Variants in PTK2 observed in about 807,000 individuals in gnomAD.
PTK2 encodes protein tyrosine kinase 2, also known as focal adhesion kinase 1.
PTK2 carries 45 observed loss-of-function variants against 150.1 expected under a neutral mutation model. The observed-to-expected ratio is 0.30, with a 90% CI of 0.24 to 0.38. PTK2 has a LOEUF of 0.38. PTK2 is among the 10% of genes least tolerant of loss of function. PTK2 has a pLI of 1.00. For missense variants in PTK2, 919 were observed against 1,307.3 expected (o/e 0.70, Z 4.58); for synonymous variants, 432 against 449.2 (o/e 0.96, Z 0.48).
intron 26 of PTK2, among the ~76,000 whole-genome samples, chr8:140,696,743 A>C (rs1233987427): frequency 6.6e-6 from 1 of 152,206 alleles, no homozygotes; most frequent in African/African-American, 2.4e-5. Flanking sequence ...AAATAAACTC[A>C]TAAAAGAGAA....
rs185716609 is a variant in PTK2 at position 140,836,761 on chromosome 8, C to G, written c.594-6235G>C. On this transcript the variant is annotated intron_variant, in intron 7 of 31. Coordinates refer to ENST00000522684, the Ensembl canonical transcript of PTK2. ...TATATAATGTGTGGGGAATACATTC[C>G]CCGCACAACAGAATGCAGCTCACAT... 1.6e-4 allele frequency among the ~76,000 whole-genome samples: 25 copies of G among 152,076 alleles called. 1 individual carries two copies. In the East Asian group the frequency reaches 4.8e-3, roughly 29 times the overall value.
In PTK2 at chr8:140,691,681, C is replaced by T. The variant is rs79014193; in HGVS notation, c.2500-4987G>A. 8.7e-3 allele frequency among the ~76,000 whole-genome samples: 1,327 copies of T among 152,282 alleles called. 15 individuals carry two copies. Among genetic ancestry groups the T allele is most frequent in the African/African-American group, 0.031 (1,277 of 41,536 alleles). On this transcript the variant is annotated intron_variant, in intron 26 of 31. Transcript: ENST00000522684. ...TTTCTAGTGAACTGATTGTCCATGC[C>T]TCTTTGGACAAGGCATATAACCTCT...
intron 1 of PTK2, among the ~76,000 whole-genome samples, chr8:140,961,200 A>G (rs2100183058): frequency 6.6e-6 from 1 of 152,188 alleles, no homozygotes. Context: ...TAACTACACC[A>G]CACTTTGCTA....
At chr8:140,692,927 A>C (rs970939400) in intron 26 of PTK2, among the ~76,000 whole-genome samples, 1 of 152,226 alleles carries the variant, frequency 6.6e-6, no homozygotes, top group Non-Finnish European at 1.5e-5. Context: ...TGGATCTGCT[A>C]TGTGAGGGAA....
At chr8:140,833,621 T>A (rs1364684766) in intron 7 of PTK2, among the ~76,000 whole-genome samples, 1 of 152,202 alleles carries the variant, frequency 6.6e-6, no homozygotes, top group Non-Finnish European at 1.5e-5. Context: ...TTGCCTCAAG[T>A]GGCGTAAAAA....
At chr8:140,851,647 T>A (rs199930777) in intron 5 of PTK2, among the ~76,000 whole-genome samples, 1 of 152,094 alleles carries the variant, frequency 6.6e-6, no homozygotes, top group African/African-American at 2.4e-5. Flanking sequence ...TCGCTTGAGC[T>A]CAGGAGTTCA....
chr8:140,957,548 C>T (rs942296967), intron 1 of PTK2, among the ~76,000 whole-genome samples: 5 of 152,244 alleles, frequency 3.3e-5, no homozygotes, highest in Admixed American at 6.5e-5. Context: ...TCTACAGTAG[C>T]GTACAGTGAT....
intron 2 of PTK2, among the ~76,000 whole-genome samples, chr8:140,894,082 T>G (rs1241441012): frequency 6.6e-6 from 1 of 152,188 alleles, no homozygotes. Flanking sequence ...CTCCCCCCAA[T>G]GTGATGCTAT....
chr8:140,898,792 T>C (rs545487865), intron 2 of PTK2, among the ~76,000 whole-genome samples: 1 of 152,218 alleles, frequency 6.6e-6, no homozygotes, highest in Admixed American at 6.5e-5. Context: ...ACTGACCCTT[T>C]AATAAAACTT....
intron 14 of PTK2, among the ~76,000 whole-genome samples, chr8:140,778,005 T>C (rs1414880588): frequency 6.6e-6 from 1 of 152,190 alleles, no homozygotes; most frequent in East Asian, 1.9e-4. Flanking sequence ...TGACATTTGT[T>C]CTCTCATCTC....
At chr8:140,728,506 G>C (rs757519491) in intron 22 of PTK2, among the ~76,000 whole-genome samples, 4 of 152,086 alleles carry the variant, frequency 2.6e-5, no homozygotes, top group Non-Finnish European at 5.9e-5. Flanking sequence ...ATGAGCAATG[G>C]ACATGGATTA....
At chr8:140,704,984 C>T (rs187889900) in intron 24 of PTK2, among the ~76,000 whole-genome samples, 1 of 152,156 alleles carries the variant, frequency 6.6e-6, no homozygotes, top group African/African-American at 2.4e-5. Flanking sequence ...CTTGACTCTG[C>T]CAGGCAAGTG....
chr8:140,995,297 C>T (rs1456377678), intron 1 of PTK2, among the ~76,000 whole-genome samples: 3 of 147,496 alleles, frequency 2.0e-5, no homozygotes, highest in Non-Finnish European at 3.0e-5. Context: ...GCAGGCGAAT[C>T]GCTTGAACCT....
intron 16 of PTK2, among the ~76,000 whole-genome samples, chr8:140,755,443 T>C (rs1313454098): frequency 6.6e-6 from 1 of 152,194 alleles, no homozygotes; most frequent in African/African-American, 2.4e-5. Flanking sequence ...CACACCGTCC[T>C]CCTGGTGGTG....
chr8:140,675,376 C>A, intron 28 of PTK2, 84 bp downstream of exon 31: 1 of 1,453,194 alleles, frequency 6.9e-7, no homozygotes, highest in Non-Finnish European at 9.6e-7. Flanking sequence ...GAGGGTATTC[C>A]AAAGCTACGA....
At chr8:140,694,508 C>T (rs1385184753) in intron 26 of PTK2, among the ~76,000 whole-genome samples, 1 of 152,134 alleles carries the variant, frequency 6.6e-6, no homozygotes, top group Non-Finnish European at 1.5e-5. Flanking sequence ...CAAACTGGCC[C>T]TTCCATGCAG....
chr8:140,691,125 C>A (rs2100022924), intron 26 of PTK2, among the ~76,000 whole-genome samples: 1 of 151,584 alleles, frequency 6.6e-6, no homozygotes, highest in Non-Finnish European at 1.5e-5. Flanking sequence ...CCTTTGTATA[C>A]AAATCTTTGA....
At chr8:140,708,263 C>T (rs1199345421) in intron 23 of PTK2, among the ~76,000 whole-genome samples, 1 of 152,114 alleles carries the variant, frequency 6.6e-6, no homozygotes, top group East Asian at 1.9e-4. Context: ...TAGTTAGGTC[C>T]GGAGTATGTT....
In PTK2 at chr8:140,950,194, C is replaced by T. The variant is rs530761236; in HGVS notation, c.-121-24445G>A. Reference sequence around the variant, plus strand: ...ATAAGAACTCGAGACCTGCCAAATGCAGGGACTGAAAGAGCTATAACACAA... The same window carrying T: ...ATAAGAACTCGAGACCTGCCAAATGTAGGGACTGAAAGAGCTATAACACAA... On this transcript the variant is annotated intron_variant, in intron 1 of 31. Coordinates refer to ENST00000522684, the Ensembl canonical transcript of PTK2. 2.0e-5 allele frequency among the ~76,000 whole-genome samples: 3 copies of T among 152,336 alleles called. No homozygotes were observed. The East Asian group carries it at 5.8e-4, about 29-fold the overall frequency.
Sources: allele counts gnomAD v4.1 joint callset (sites outside exome capture counted in the v4.1 genomes callset), GRCh38; gene constraint gnomAD v4.1.1; transcripts MANE v1.5; gene names NCBI Gene and HGNC (gene_info 2026-07-23, HGNC 2026-07-21).